UNC13C: variants seen among roughly 807,000 people sequenced by gnomAD.
The protein encoded by UNC13C is unc-13 homolog C.
A neutral mutation model predicts 245.4 loss-of-function variants in UNC13C; 174 were observed. The observed-to-expected ratio is 0.71, with a 90% CI of 0.63 to 0.80. UNC13C has a LOEUF of 0.80. Among genes scored for constraint, UNC13C ranks in the 30% least tolerant of loss-of-function variants. The probability of loss-of-function intolerance (pLI) is 0.00; values close to 1 mark genes in which losing one functional copy is unlikely to be tolerated. For synonymous variants in UNC13C, 992 were observed against 895.1 expected, an observed-to-expected ratio of 1.11 and a Z score of -1.93; for missense variants, 2,829 against 2,602.9, an observed-to-expected ratio of 1.09 and a Z score of -1.89.
At chr15:54,144,908 T>A (rs556659664) in intron 4 of UNC13C, among the ~76,000 whole-genome samples, 1 of 152,020 alleles carries the variant, frequency 6.6e-6, no homozygotes, top group South Asian at 2.1e-4. Context: ...CCTCTTTATA[T>A]ATGAATATAG....
At chr15:54,235,580 C>G (rs2035672359) in intron 5 of UNC13C, among the ~76,000 whole-genome samples, 9 of 152,268 alleles carry the variant, frequency 5.9e-5, no homozygotes, top group Admixed American at 5.9e-4. Flanking sequence ...TTAATAAGCT[C>G]TTCTATTTAA....
At position 54,546,845 on chromosome 15, in the gene UNC13C, A is replaced by G. The variant is rs199696616; in HGVS notation, c.5820A>G (p.Thr1940=). ...QIVLPPLTDQ[T]GPQMIFIAAK... ...TTCTTCCTCCTCTGACAGATCAAAC[A>G]GTAAGTATATAAAGTTTAGTTATGC... is the stretch of plus-strand genomic sequence containing the variant. The change falls in exon 27 of 33, where the codon ACA becomes ACG. Residue 1940 remains threonine, a splice_region_variant and synonymous_variant. Transcript: ENST00000260323. 1.8e-5 allele frequency: 29 copies of G among 1,575,924 alleles called. No individual in the cohort carries two copies. The highest frequency in any genetic ancestry group is 2.3e-5 in the Non-Finnish European group (27 of 1,162,178).
chr15:54,611,924 A>G (rs925048736), intron 30 of UNC13C, among the ~76,000 whole-genome samples: 2 of 152,118 alleles, frequency 1.3e-5, no homozygotes, highest in Non-Finnish European at 2.9e-5. Flanking sequence ...ACCTTGCAAC[A>G]TAAGTATTTT....
intron 19 of UNC13C, among the ~76,000 whole-genome samples, chr15:54,466,590 G>T (rs369730241): frequency 2.0e-5 from 3 of 151,812 alleles, no homozygotes; most frequent in African/African-American, 7.2e-5. Context: ...AGACACTATC[G>T]TGTCAGGATG....
At chr15:54,099,324 T>G (rs1900043300) in intron 2 of UNC13C, among the ~76,000 whole-genome samples, 1 of 152,102 alleles carries the variant, frequency 6.6e-6, no homozygotes, top group Non-Finnish European at 1.5e-5. Context: ...AAATCTAATT[T>G]TCCTCTGGCT....
intron 30 of UNC13C, among the ~76,000 whole-genome samples, chr15:54,571,342 C>G (rs1175002987): frequency 1.3e-5 from 2 of 152,080 alleles, no homozygotes; most frequent in Non-Finnish European, 2.9e-5. Context: ...TTTATAAAAC[C>G]ATCAGATCTC....
At chr15:53,892,597 G>T in the UNC13C span, among the ~76,000 whole-genome samples, 11,159 of 151,764 alleles carry the variant, frequency 0.074, 497 homozygotes, top group South Asian at 0.19. Context: ...CTCTAATCTT[G>T]TCTTCTCACT....
At chr15:54,547,803 T>TACACACACACATAC (rs149597058) in intron 27 of UNC13C, among the ~76,000 whole-genome samples, 36,466 of 151,566 alleles carry the variant, frequency 0.24, 8,863 homozygotes, top group African/African-American at 0.63. Flanking sequence ...CATTTATAAA[T>TACACACACACATAC]ACACACACAC....
intron 2 of UNC13C, among the ~76,000 whole-genome samples, chr15:54,083,538 C>T (rs1899070620): frequency 1.3e-5 from 2 of 152,328 alleles, no homozygotes; most frequent in South Asian, 2.1e-4. Flanking sequence ...GTGGGGAGAA[C>T]CTCTGCTGTA....
chr15:54,486,817 G>T (rs974229241), intron 19 of UNC13C, among the ~76,000 whole-genome samples: 30 of 152,112 alleles, frequency 2.0e-4, no homozygotes, highest in African/African-American at 7.0e-4. Context: ...AGATTATGTG[G>T]ATCTACCTGT....
chr15:54,475,285 TTATTA>T (rs1892669220), intron 19 of UNC13C, among the ~76,000 whole-genome samples: 6 of 103,650 alleles, frequency 5.8e-5, no homozygotes, highest in East Asian at 2.1e-4. Context: ...TTTTTGTTTA[TTATTA>T]TTATTATTAT....
intron 19 of UNC13C, among the ~76,000 whole-genome samples, chr15:54,452,041 G>A (rs1891209635): frequency 1.3e-5 from 2 of 152,210 alleles, no homozygotes; most frequent in Admixed American, 6.5e-5. Context: ...AGCCAAATCA[G>A]TGGTATCTGT....
At chr15:54,539,724 T>G (rs1896158806) in intron 26 of UNC13C, among the ~76,000 whole-genome samples, 1 of 152,076 alleles carries the variant, frequency 6.6e-6, no homozygotes, top group Non-Finnish European at 1.5e-5. Flanking sequence ...TGGCCAAGGT[T>G]GTGGAACATA....
chr15:54,578,847 T>G (rs8041576), intron 30 of UNC13C, among the ~76,000 whole-genome samples: 64,679 of 151,940 alleles, frequency 0.43, 14,120 homozygotes, highest in East Asian at 0.58. Flanking sequence ...TCTACTAAAA[T>G]TACAAGAATT....
intron 7 of UNC13C, among the ~76,000 whole-genome samples, chr15:54,246,838 A>G (rs138232573): frequency 2.4e-4 from 36 of 152,272 alleles, no homozygotes; most frequent in African/African-American, 7.7e-4. Flanking sequence ...TGATCTGTGC[A>G]ACAAACCACC....
At chr15:53,969,044 G>C in the UNC13C span, among the ~76,000 whole-genome samples, 1 of 152,124 alleles carries the variant, frequency 6.6e-6, no homozygotes, top group African/African-American at 2.4e-5. Flanking sequence ...TTGCACCTCT[G>C]TTTTATAGGA....
chr15:53,939,346 AT>A, the UNC13C span, among the ~76,000 whole-genome samples: 60 of 152,284 alleles, frequency 3.9e-4, no homozygotes, highest in African/African-American at 1.4e-3. Context: ...GCAGTAATAA[AT>A]ACTCTACCAA....
chr15:54,621,493 C>T (rs144274660), intron 30 of UNC13C, among the ~76,000 whole-genome samples: 232 of 138,902 alleles, frequency 1.7e-3, no homozygotes, highest in African/African-American at 6.0e-3. Flanking sequence ...GATGTAGTGA[C>T]AGCTTTATCT....
chr15:53,906,382 C>T, the UNC13C span, among the ~76,000 whole-genome samples: 1 of 152,194 alleles, frequency 6.6e-6, no homozygotes, highest in Non-Finnish European at 1.5e-5. Flanking sequence ...GTCTGGCAAT[C>T]CAACATGGAC....
Sources: gnomAD v4.1 joint callset for allele counts (sites outside exome capture counted in the v4.1 genomes callset) on GRCh38, gnomAD v4.1.1 for gene constraint, MANE v1.5 for transcripts, NCBI Gene and HGNC (gene_info 2026-07-23, HGNC 2026-07-21) for gene names.